The following SFMBT2 variants were observed in gnomAD, a reference collection of about 807,000 sequenced individuals.
SFMBT2 encodes Scm like with four mbt domains 2, also known as scm-like with four MBT domains protein 2.
A neutral mutation model predicts 110.1 loss-of-function variants in SFMBT2; 38 were observed. That is an observed-to-expected ratio of 0.35 (90% confidence interval 0.27 to 0.45). The LOEUF (loss-of-function observed/expected upper bound fraction) is 0.45. Among genes scored for constraint, SFMBT2 ranks in the 20% least tolerant of loss-of-function variants. The probability of loss-of-function intolerance (pLI) is 1.00; values close to 1 mark genes in which losing one functional copy is unlikely to be tolerated. For missense variants in SFMBT2, 1,011 were observed against 1,094.9 expected, an observed-to-expected ratio of 0.92 and a Z score of 1.08; for synonymous variants, 425 against 425.4, an observed-to-expected ratio of 1.00 and a Z score of 0.01.
intron 4 of SFMBT2, among the ~76,000 whole-genome samples, chr10:7,291,481 C>T (rs1454145654): frequency 6.6e-6 from 1 of 152,076 alleles, no homozygotes; most frequent in Non-Finnish European, 1.5e-5. Flanking sequence ...TTTTCAAAAC[C>T]TCTCATTACG....
intron 17 of SFMBT2, among the ~76,000 whole-genome samples, chr10:7,173,147 C>A (rs180774891): frequency 6.6e-6 from 1 of 152,168 alleles, no homozygotes; most frequent in Admixed American, 6.5e-5. Context: ...GGTAAGTGTG[C>A]GCAGTGAAAG....
Position 7,188,727 on chromosome 10 carries a change from T to C in SFMBT2, c.1705A>G (p.Ser569Gly). ...TTGTAGGCTGCGTTGATTATCATGCTAAGAACCTTTTGGGGAAAAAAATAA... is the reference window on the plus strand; with the variant it reads ...TTGTAGGCTGCGTTGATTATCATGCCAAGAACCTTTTGGGGAAAAAAATAA... The part of the protein sequence containing the change: ...KCVLVLKEVL[S>G]MIINAAYKPG... The change falls in exon 16 of 21, where the codon AGC becomes GGC. Residue 569 changes from serine to glycine, a missense_variant. Ser to Gly is a moderately conservative substitution (Grantham distance 56). This residue lies in a region of SFMBT2 where 979 missense variants were observed against 1,016.1 expected (regional missense o/e 0.96). Transcript: ENST00000397167. 6.2e-7 allele frequency: 1 copy of C among 1,610,882 alleles called. No individual in the cohort carries two copies. Among genetic ancestry groups the C allele is most frequent in the Non-Finnish European group, 8.5e-7 (1 of 1,178,428 alleles).
intron 16 of SFMBT2, among the ~76,000 whole-genome samples, chr10:7,183,241 A>C (rs774184293): frequency 2.6e-5 from 4 of 152,212 alleles, no homozygotes; most frequent in Non-Finnish European, 5.9e-5. Context: ...CTTTCATCTC[A>C]GTCCTCAGAT....
chr10:7,209,974 T>C (rs1839282281), intron 11 of SFMBT2, among the ~76,000 whole-genome samples: 1 of 152,214 alleles, frequency 6.6e-6, no homozygotes, highest in Non-Finnish European at 1.5e-5. Flanking sequence ...AGGGGCCAAT[T>C]ACCATGAAGG....
rs146533925 is a variant in SFMBT2 at position 7,403,414 on chromosome 10, G to A, written c.-52+7447C>T. On this transcript the variant is annotated intron_variant, in intron 1 of 20. Coordinates refer to ENST00000397167, the MANE Select transcript of SFMBT2 (RefSeq NM_001387889.1). Reference sequence around the variant, plus strand: ...TTCCAGCACTTTGGGAGGCTGAGGCGGGAGGATCACTTGAGGTCAGGAGTT... The same window carrying A: ...TTCCAGCACTTTGGGAGGCTGAGGCAGGAGGATCACTTGAGGTCAGGAGTT... 6.2e-3 allele frequency among the ~76,000 whole-genome samples: 946 copies of A among 152,242 alleles called. 11 individuals carry two copies. Among genetic ancestry groups the A allele is most frequent in the African/African-American group, 0.021 (886 of 41,546 alleles).
chr10:7,373,602 T>C (rs1044859086), intron 2 of SFMBT2, among the ~76,000 whole-genome samples: 10 of 152,108 alleles, frequency 6.6e-5, no homozygotes, highest in African/African-American at 2.4e-4. Flanking sequence ...TTCCCCCTCC[T>C]TCTCCCACCT....
chr10:7,392,156 G>GTTTA (rs754743879), intron 1 of SFMBT2, among the ~76,000 whole-genome samples: 2 of 152,172 alleles, frequency 1.3e-5, no homozygotes, highest in East Asian at 3.8e-4. Flanking sequence ...CGCTAAGCTG[G>GTTTA]TTTACTAGCA....
In SFMBT2 at chr10:7,243,689, A is replaced by T. The variant is rs1156984649; in HGVS notation, c.989T>A (p.Phe330Tyr). The change falls in exon 9 of 21, where the codon TTT (phenylalanine) becomes TAT (tyrosine). Residue 330 changes from phenylalanine (F) to tyrosine (Y), a missense_variant. Coordinates refer to ENST00000397167, the MANE Select transcript of SFMBT2 (RefSeq NM_001387889.1). ...TAGGTCATCAATAGTCACTTGAAAA[A>T]AGTGATTGTTAAAAACCTAAAAGAA... is the stretch of plus-strand genomic sequence containing the variant. Reference protein sequence around the residue: ...ASVTKVFNNHFFQVTIDDLRP... With the variant: ...ASVTKVFNNHYFQVTIDDLRP... 2.3e-6 allele frequency: 2 copies of T among 872,524 alleles called. No individual in the cohort carries two copies. The highest frequency in any genetic ancestry group is 4.0e-6 in the Non-Finnish European group (2 of 501,600). The allele number at this position is 872,524 out of a possible 1,614,324, so 54.0% of individuals were successfully genotyped here.
chr10:7,253,376 G>T (rs1194252419), intron 7 of SFMBT2, among the ~76,000 whole-genome samples: 1 of 152,200 alleles, frequency 6.6e-6, no homozygotes, highest in Middle Eastern at 3.2e-3. Context: ...ATGGTACCGA[G>T]CCCTTCACTT....
At chr10:7,360,400 G>A (rs1051894146) in intron 4 of SFMBT2, among the ~76,000 whole-genome samples, 5 of 152,202 alleles carry the variant, frequency 3.3e-5, no homozygotes, top group Admixed American at 1.3e-4. Context: ...CCGGGAGGCA[G>A]AGGTTGCAGT....
At chr10:7,397,176 C>T (rs1174111331) in intron 1 of SFMBT2, among the ~76,000 whole-genome samples, 2 of 152,178 alleles carry the variant, frequency 1.3e-5, no homozygotes, top group African/African-American at 4.8e-5. Flanking sequence ...TTCTCATCTC[C>T]ATTCATCAGG....
At position 7,254,653 on chromosome 10, in the gene SFMBT2, C is replaced by T. The variant is rs375006131; in HGVS notation, c.871-6004G>A. ...TGGCCAACATGGTGAAACCCCATCT[C>T]TACTAAAGAAAAAAAAATACAAAAA... On this transcript the variant is annotated intron_variant, in intron 7 of 20. Coordinates refer to ENST00000397167, the MANE Select transcript of SFMBT2 (RefSeq NM_001387889.1). Among the ~76,000 whole-genome samples, 6 of 152,096 alleles carry T rather than the reference C, an allele frequency of 3.9e-5. No homozygotes were observed. In the East Asian group the frequency reaches 9.7e-4, roughly 24 times the overall value.
At chr10:7,174,838 C>T (rs1221716702) in intron 17 of SFMBT2, among the ~76,000 whole-genome samples, 2 of 152,202 alleles carry the variant, frequency 1.3e-5, no homozygotes, top group African/African-American at 4.8e-5. Context: ...GCCAACACAC[C>T]TGCGGGCCCT....
intron 7 of SFMBT2, among the ~76,000 whole-genome samples, chr10:7,267,044 G>C (rs1841416959): frequency 1.3e-5 from 2 of 152,162 alleles, no homozygotes. Flanking sequence ...AAACAATCTG[G>C]TTTATGGTTT....
At chr10:7,211,036 C>T (rs1839331980) in intron 11 of SFMBT2, among the ~76,000 whole-genome samples, 1 of 152,082 alleles carries the variant, frequency 6.6e-6, no homozygotes, top group Non-Finnish European at 1.5e-5. Context: ...GTGTTTTCAT[C>T]CCCATTTCAG....
At chr10:7,164,061 G>A (rs765089064) in intron 20 of SFMBT2, 151 bp from the exon 21 acceptor site, 13 of 1,377,148 alleles carry the variant, frequency 9.4e-6, no homozygotes, top group Admixed American at 6.6e-5. Flanking sequence ...ATACCAGCCC[G>A]GCTTGATGAC....
intron 9 of SFMBT2, among the ~76,000 whole-genome samples, chr10:7,229,494 C>T (rs1840047386): frequency 6.6e-6 from 1 of 150,590 alleles, no homozygotes; most frequent in South Asian, 2.1e-4. Flanking sequence ...CAGATAATTG[C>T]TCAAACCCGT....
intron 1 of SFMBT2, among the ~76,000 whole-genome samples, chr10:7,397,423 T>C (rs756445777): frequency 2.0e-5 from 3 of 151,672 alleles, no homozygotes; most frequent in Non-Finnish European, 4.4e-5. Context: ...CCAATCAAAA[T>C]AAAATATGAA....
intron 1 of SFMBT2, among the ~76,000 whole-genome samples, chr10:7,406,294 T>G (rs1314692148): frequency 2.0e-5 from 3 of 151,942 alleles, no homozygotes; most frequent in African/African-American, 7.3e-5. Context: ...TGACAAAAAT[T>G]TTTAGGCATA....
Sources: gnomAD v4.1 joint callset for allele counts (sites outside exome capture counted in the v4.1 genomes callset) on GRCh38, gnomAD v4.1.1 for gene constraint, gnomAD v4.1.1 regional missense constraint, MANE v1.5 for transcripts, NCBI Gene and HGNC (gene_info 2026-07-23, HGNC 2026-07-21) for gene names.